Variants in NSMCE2 observed in about 807,000 individuals in gnomAD.
The protein encoded by NSMCE2 is NSE2 SUMO ligase component of SMC5/6 complex, also known as E3 SUMO-protein ligase NSE2.
In NSMCE2, 24 loss-of-function variants were observed where a neutral mutation model predicts 23.8. That is an observed-to-expected ratio of 1.01 (90% CI 0.73 to 1.42). The LOEUF is 1.42. Ranked by LOEUF, NSMCE2 falls within the 40% of genes most tolerant of loss-of-function variation. The pLI, the probability that NSMCE2 is intolerant of heterozygous loss-of-function variation, is 0.00. For missense variants in NSMCE2, 284 were observed against 296.5 expected (o/e 0.96, Z 0.31); for synonymous variants, 92 against 94.1 (o/e 0.98, Z 0.13).
chr8:125,265,702 G>C (rs1826882689), intron 5 of NSMCE2, among the ~76,000 whole-genome samples: 1 of 152,180 alleles, frequency 6.6e-6, no homozygotes, highest in Non-Finnish European at 1.5e-5. Context: ...AAGAAGCAGA[G>C]CCTGTGTTAG....
chr8:125,255,778 A>G (rs12681602), intron 5 of NSMCE2, among the ~76,000 whole-genome samples: 16,764 of 152,220 alleles, frequency 0.11, 1,120 homozygotes, highest in South Asian at 0.17. Flanking sequence ...CTGTCTGATC[A>G]GGTTTGTGTT....
chr8:125,139,705 A>G (rs1452370326), intron 3 of NSMCE2, among the ~76,000 whole-genome samples: 1 of 133,586 alleles, frequency 7.5e-6, no homozygotes, highest in Non-Finnish European at 1.7e-5. Context: ...CACATGATAC[A>G]TGGGAATTGT....
intron 5 of NSMCE2, among the ~76,000 whole-genome samples, chr8:125,197,374 A>T (rs982365210): frequency 2.6e-5 from 4 of 152,188 alleles, no homozygotes; most frequent in Admixed American, 1.3e-4. Context: ...TAACTTTTGT[A>T]TAAGGTGTAA....
chr8:125,208,363 A>G (rs1333270495), intron 5 of NSMCE2, among the ~76,000 whole-genome samples: 1 of 152,202 alleles, frequency 6.6e-6, no homozygotes, highest in African/African-American at 2.4e-5. Context: ...TTTGCCTGGC[A>G]CTGGACTAGA....
At chr8:125,231,047 A>G (rs1825300115) in intron 5 of NSMCE2, among the ~76,000 whole-genome samples, 1 of 152,216 alleles carries the variant, frequency 6.6e-6, no homozygotes, top group Admixed American at 6.5e-5. Flanking sequence ...CTGATTTTCT[A>G]TCTAATATAT....
chr8:125,178,724 G>T (rs1420009986), intron 4 of NSMCE2, among the ~76,000 whole-genome samples: 1 of 152,036 alleles, frequency 6.6e-6, no homozygotes, highest in Non-Finnish European at 1.5e-5. Flanking sequence ...CAAAAAATTA[G>T]CCGGGCATGG....
intron 3 of NSMCE2, among the ~76,000 whole-genome samples, chr8:125,148,296 T>C (rs1820800589): frequency 6.6e-6 from 1 of 152,212 alleles, no homozygotes; most frequent in South Asian, 2.1e-4. Flanking sequence ...CAGGAAGGTC[T>C]CTTTGGCCTT....
At chr8:125,123,815 G>GT (rs1017568852) in intron 3 of NSMCE2, among the ~76,000 whole-genome samples, 1 of 152,038 alleles carries the variant, frequency 6.6e-6, no homozygotes, top group African/African-American at 2.4e-5. Context: ...ATTTCACCTT[G>GT]TTTTTTAAAA....
intron 5 of NSMCE2, among the ~76,000 whole-genome samples, chr8:125,276,480 A>G (rs181591629): frequency 5.5e-4 from 84 of 151,450 alleles, no homozygotes; most frequent in Non-Finnish European, 9.5e-4. Flanking sequence ...TAATTTTTCT[A>G]CTTGGCCTAC....
intron 5 of NSMCE2, among the ~76,000 whole-genome samples, chr8:125,282,115 ATT>A (rs11365667): frequency 4.8e-5 from 7 of 147,198 alleles, no homozygotes; most frequent in African/African-American, 1.7e-4. Context: ...TCATCCCTTA[ATT>A]TTTTTTTTTT....
In NSMCE2 at chr8:125,174,303, G is replaced by A. The variant is rs556495671; in HGVS notation, c.265-7800G>A. Among the ~76,000 whole-genome samples the A allele has an allele frequency of 3.3e-5, 5 of 152,172 alleles. No individual in the cohort carries two copies. The East Asian group carries it at 9.6e-4, about 29-fold the overall frequency. ...AGCATGGTTCCCACATGTGGTAGAT[G>A]TTCAGTAAATATTTACTGAATGAAT... On this transcript the variant is annotated intron_variant, in intron 4 of 7. Coordinates refer to ENST00000287437, the MANE Select transcript of NSMCE2 (RefSeq NM_173685.4).
intron 5 of NSMCE2, among the ~76,000 whole-genome samples, chr8:125,269,834 T>C (rs1257277135): frequency 6.6e-6 from 1 of 152,236 alleles, no homozygotes; most frequent in Non-Finnish European, 1.5e-5. Context: ...AAGAGCCTTT[T>C]ACCAAGCTGA....
At chr8:125,275,716 C>T (rs909586180) in intron 5 of NSMCE2, among the ~76,000 whole-genome samples, 2 of 152,216 alleles carry the variant, frequency 1.3e-5, no homozygotes, top group South Asian at 2.1e-4. Flanking sequence ...TTTTCGATGC[C>T]GTATGAGGTG....
At chr8:125,130,150 T>C in intron 3 of NSMCE2, 1 of 439,170 alleles carries the variant, frequency 2.3e-6, no homozygotes, top group South Asian at 1.6e-5. Context: ...CTTAGGTGTT[T>C]TGTAGAATGT....
At chr8:125,296,068 A>T (rs1417907987) in intron 5 of NSMCE2, among the ~76,000 whole-genome samples, 1 of 152,180 alleles carries the variant, frequency 6.6e-6, no homozygotes, top group African/African-American at 2.4e-5. Flanking sequence ...AATTAAAAAA[A>T]ATAGCTAGCA....
intron 3 of NSMCE2, chr8:125,130,479 T>C (rs1819719699): frequency 5.0e-6 from 1 of 199,258 alleles, no homozygotes; most frequent in Non-Finnish European, 1.1e-5. Context: ...CATAAATTAT[T>C]TGAAATTCTG....
intron 5 of NSMCE2, among the ~76,000 whole-genome samples, chr8:125,228,868 C>G (rs1012181592): frequency 5.9e-5 from 9 of 152,168 alleles, no homozygotes; most frequent in African/African-American, 2.2e-4. Flanking sequence ...TGGCCACTCA[C>G]AGACGGAAGT....
At chr8:125,240,279 C>T (rs1469512869) in intron 5 of NSMCE2, among the ~76,000 whole-genome samples, 1 of 152,092 alleles carries the variant, frequency 6.6e-6, no homozygotes, top group Non-Finnish European at 1.5e-5. Context: ...CACAAGCCTC[C>T]ACCCCTGGCT....
intron 1 of NSMCE2, among the ~76,000 whole-genome samples, chr8:125,098,575 G>A (rs1372911539): frequency 6.6e-6 from 1 of 152,154 alleles, no homozygotes; most frequent in East Asian, 1.9e-4. Context: ...GGCAAGAGAT[G>A]ATGGTTTGAA....
Sources: allele counts gnomAD v4.1 joint callset (sites outside exome capture counted in the v4.1 genomes callset), GRCh38; gene constraint gnomAD v4.1.1; transcripts MANE v1.5; gene names NCBI Gene and HGNC (gene_info 2026-07-23, HGNC 2026-07-21).